Variants in MAGI2 observed in about 807,000 individuals in gnomAD.
MAGI2 encodes membrane-associated guanylate kinase, WW and PDZ domain-containing protein 2.
A neutral mutation model predicts 133.3 loss-of-function variants in MAGI2; 35 were observed. The observed-to-expected ratio is 0.26, with a 90% CI of 0.20 to 0.35. The LOEUF is 0.35. Ranked by LOEUF, MAGI2 falls within the 10% of genes least tolerant of loss-of-function variation. The pLI, the probability that MAGI2 is intolerant of heterozygous loss-of-function variation, is 1.00. For missense variants in MAGI2, 1,636 were observed against 1,863.4 expected, an observed-to-expected ratio of 0.88 and a Z score of 2.25; for synonymous variants, 729 against 710.6, an observed-to-expected ratio of 1.03 and a Z score of -0.41.
chr7:78,704,781 T>TTTTTTTTTTCC (rs1554535258), intron 2 of MAGI2, among the ~76,000 whole-genome samples: 36 of 127,138 alleles, frequency 2.8e-4, no homozygotes, highest in East Asian at 1.9e-3. Flanking sequence ...CATTATTCTT[T>TTTTTTTTTTCC]TTTTTTTTTT....
chr7:78,947,348 T>C (rs777791698), intron 2 of MAGI2, among the ~76,000 whole-genome samples: 1 of 152,114 alleles, frequency 6.6e-6, no homozygotes, highest in Non-Finnish European at 1.5e-5. Flanking sequence ...ATTGCTGTGA[T>C]TGATAAGACA....
intron 1 of MAGI2, among the ~76,000 whole-genome samples, chr7:79,027,033 C>A (rs1162936096): frequency 1.3e-5 from 2 of 152,008 alleles, no homozygotes; most frequent in African/African-American, 4.8e-5. Context: ...CATCTGTCAT[C>A]CTGACAGATG....
At chr7:78,383,410 CT>C (rs1250135764) in intron 6 of MAGI2, among the ~76,000 whole-genome samples, 1 of 152,032 alleles carries the variant, frequency 6.6e-6, no homozygotes, top group Admixed American at 6.6e-5. Context: ...TGTATGTCTT[CT>C]TTTGAGAACT....
chr7:78,938,257 AAG>A (rs1200748682), intron 2 of MAGI2, among the ~76,000 whole-genome samples: 2 of 152,138 alleles, frequency 1.3e-5, no homozygotes, highest in Non-Finnish European at 2.9e-5. Context: ...TTAACATACA[AAG>A]AGATATTGAA....
chr7:78,120,409 A>G (rs961615535), intron 20 of MAGI2, among the ~76,000 whole-genome samples: 6 of 152,156 alleles, frequency 3.9e-5, no homozygotes, highest in African/African-American at 1.4e-4. Flanking sequence ...TCTCAAAACA[A>G]AAACAAAAAC....
At chr7:78,836,421 C>A (rs150161035) in intron 2 of MAGI2, among the ~76,000 whole-genome samples, 21 of 152,234 alleles carry the variant, frequency 1.4e-4, no homozygotes, top group African/African-American at 5.1e-4. Context: ...TATAGCATAG[C>A]TAGCTTAATA....
intron 1 of MAGI2, among the ~76,000 whole-genome samples, chr7:79,109,453 G>A (rs1818728032): frequency 6.6e-6 from 1 of 152,196 alleles, no homozygotes; most frequent in African/African-American, 2.4e-5. Context: ...TTAAACTTCA[G>A]AGTAATAATT....
At position 78,319,706 on chromosome 7, in the gene MAGI2, C is replaced by T. The variant is rs972542469; in HGVS notation, c.1408+24072G>A. 7.2e-5 allele frequency among the ~76,000 whole-genome samples: 11 copies of T among 152,054 alleles called. 1 individual carries two copies. Among genetic ancestry groups the T allele is most frequent in the African/African-American group, 2.7e-4 (11 of 41,378 alleles). On this transcript the variant is annotated intron_variant, in intron 9 of 21. Coordinates refer to ENST00000354212, the MANE Select transcript of MAGI2 (RefSeq NM_012301.4). ...ATCTAAAATTGACACCCTAACATCA[C>T]AATTAAAAGAACTAGAGAAGCAAGA...
chr7:78,378,820 T>A (rs1437214780), intron 6 of MAGI2, among the ~76,000 whole-genome samples: 1 of 151,658 alleles, frequency 6.6e-6, no homozygotes, highest in East Asian at 1.9e-4. Context: ...ATATGAAAGG[T>A]GGGGACAAAG....
rs1159201149 is a variant in MAGI2 at position 78,676,114 on chromosome 7, TA to T, written c.419-48876del. 2.6e-5 allele frequency among the ~76,000 whole-genome samples: 4 copies of T among 152,070 alleles called. No homozygotes were observed. In the East Asian group the frequency reaches 7.7e-4, roughly 29 times the overall value. Reference sequence around the variant, plus strand: ...GTAATAAGAAGTATATGCAATAGAATAAAAAATTAGAAAAGTAATATTCTCA... The same window carrying T: ...GTAATAAGAAGTATATGCAATAGAATAAAAATTAGAAAAGTAATATTCTCA... On this transcript the variant is annotated intron_variant, in intron 2 of 21. Transcript: ENST00000354212.
intron 2 of MAGI2, among the ~76,000 whole-genome samples, chr7:78,857,764 T>C (rs1793787048): frequency 1.3e-5 from 2 of 152,226 alleles, no homozygotes; most frequent in Admixed American, 6.5e-5. Context: ...GATGTTGGCC[T>C]CATAAAATGA....
chr7:79,103,431 T>C (rs1160412853), intron 1 of MAGI2, among the ~76,000 whole-genome samples: 2 of 152,078 alleles, frequency 1.3e-5, no homozygotes, highest in African/African-American at 4.8e-5. Flanking sequence ...ATAGGGTTGA[T>C]TGTACAGAAG....
At chr7:78,353,365 G>A (rs927202417) in intron 7 of MAGI2, among the ~76,000 whole-genome samples, 1 of 152,196 alleles carries the variant, frequency 6.6e-6, no homozygotes. Flanking sequence ...AAGTGAACAT[G>A]ACAAAATCCT....
At chr7:79,059,507 A>T (rs1474563177) in intron 1 of MAGI2, among the ~76,000 whole-genome samples, 1 of 152,122 alleles carries the variant, frequency 6.6e-6, no homozygotes, top group Non-Finnish European at 1.5e-5. Context: ...TTTAATTGCT[A>T]TGAGGAGTCA....
chr7:78,263,697 T>C (rs1468416229), intron 9 of MAGI2, among the ~76,000 whole-genome samples: 1 of 152,188 alleles, frequency 6.6e-6, no homozygotes, highest in Non-Finnish European at 1.5e-5. Flanking sequence ...TACTGCCTTC[T>C]ACCTGCTTCC....
chr7:78,953,161 C>T (rs1008618784), intron 2 of MAGI2, among the ~76,000 whole-genome samples: 7 of 152,166 alleles, frequency 4.6e-5, no homozygotes, highest in Admixed American at 1.3e-4. Flanking sequence ...TCCTGAACCT[C>T]TCTCCTAACT....
intron 2 of MAGI2, among the ~76,000 whole-genome samples, chr7:78,670,844 G>T (rs1272288704): frequency 6.6e-6 from 1 of 152,146 alleles, no homozygotes; most frequent in Non-Finnish European, 1.5e-5. Flanking sequence ...AACAAAAGCA[G>T]TAAGTCTGTG....
chr7:79,442,832 T>A (rs2886359), intron 1 of MAGI2, among the ~76,000 whole-genome samples: 85,438 of 151,864 alleles, frequency 0.56, 24,309 homozygotes, highest in African/African-American at 0.64. Context: ...TTTTAGAAAT[T>A]AGCCAAGACT....
intron 16 of MAGI2, 92 bp downstream of exon 16, chr7:78,159,933 C>T: frequency 6.8e-7 from 1 of 1,462,340 alleles, no homozygotes; most frequent in Non-Finnish European, 9.1e-7. Context: ...ATGTCCGTGA[C>T]AGTCTTCTGA....
Sources: gnomAD v4.1 joint callset for allele counts (sites outside exome capture counted in the v4.1 genomes callset) on GRCh38, gnomAD v4.1.1 for gene constraint, MANE v1.5 for transcripts, NCBI Gene and HGNC (gene_info 2026-07-23, HGNC 2026-07-21) for gene names.